Variants in ARL15 observed in about 807,000 individuals in gnomAD.
The protein encoded by ARL15 is ADP-ribosylation factor-like protein 15.
ARL15 carries 19 observed loss-of-function variants against 25.2 expected under a neutral mutation model. The ratio of observed to expected loss-of-function variants is 0.75; its 90% CI spans 0.53 to 1.10. ARL15 has a LOEUF of 1.10. Ranked by LOEUF, ARL15 falls within the 50% of genes least tolerant of loss-of-function variation. ARL15 has a pLI of 0.00. For missense variants in ARL15, 220 were observed against 246.0 expected (o/e 0.89, Z 0.71); for synonymous variants, 94 against 86.8 (o/e 1.08, Z -0.46).
At chr5:53,946,317 G>A (rs187518208) in intron 4 of ARL15, among the ~76,000 whole-genome samples, 1 of 152,034 alleles carries the variant, frequency 6.6e-6, no homozygotes, top group Non-Finnish European at 1.5e-5. Context: ...AGGCGTAGTG[G>A]CATGCAAGTG....
rs74530658 is a variant in ARL15 at position 53,937,773 on chromosome 5, C to T, written c.463-51060G>A. On this transcript the variant is annotated intron_variant, in intron 4 of 4. Coordinates refer to ENST00000504924, the MANE Select transcript of ARL15 (RefSeq NM_019087.3). ...CCTAACTGTATCAAAATAATACTAA[C>T]ACCAACCATGATGTGCCAAATCTAT... 5.3e-3 allele frequency among the ~76,000 whole-genome samples: 809 copies of T among 151,550 alleles called. 6 individuals carry two copies. Among genetic ancestry groups the T allele is most frequent in the Non-Finnish European group, 8.3e-3 (566 of 67,954 alleles).
In ARL15 at chr5:53,978,583, C is replaced by G. The variant is rs1318191364; in HGVS notation, c.463-91870G>C. On this transcript the variant is annotated intron_variant, in intron 4 of 4. Coordinates refer to ENST00000504924, the MANE Select transcript of ARL15 (RefSeq NM_019087.3). ...GGAGAATCACTTGAGGCCAGGAGTT[C>G]GAGACCAGCCTGAGCAACACAGGGA... Among the ~76,000 whole-genome samples, 5 of 133,440 alleles carry G rather than the reference C, an allele frequency of 3.7e-5. No individual in the cohort carries two copies. The South Asian group carries it at 9.4e-4, about 25-fold the overall frequency. The allele number at this position is 133,440 out of a possible 152,430, so 87.5% of individuals were successfully genotyped here. A position where few individuals can be genotyped will look rare whatever the true frequency, so the allele number is the denominator to read the frequency against.
intron 1 of ARL15, among the ~76,000 whole-genome samples, chr5:54,272,222 A>C (rs1757805629): frequency 7.1e-6 from 1 of 141,816 alleles, no homozygotes; most frequent in African/African-American, 2.6e-5. Flanking sequence ...CAAAGTTCTG[A>C]GATTACAAGC....
At chr5:53,919,342 G>A (rs1467625651) in intron 4 of ARL15, among the ~76,000 whole-genome samples, 1 of 152,198 alleles carries the variant, frequency 6.6e-6, no homozygotes, top group Non-Finnish European at 1.5e-5. Context: ...ATGGTTTGCA[G>A]AACCGTAAAT....
Position 53,884,861 on chromosome 5 carries a change from C to T in ARL15, c.*1700G>A, listed in dbSNP as rs1004189629. On this transcript the variant is annotated 3_prime_UTR_variant, in exon 5 of 5. Transcript: ENST00000504924. ...AAACAGGAATTGTGTAACTGGTCATCGGAATAAAAGTTTTGTGCTGCTCAG... is the reference window on the plus strand; with the variant it reads ...AAACAGGAATTGTGTAACTGGTCATTGGAATAAAAGTTTTGTGCTGCTCAG... 1.3e-5 allele frequency: 2 copies of T among 152,316 alleles called. No individual in the cohort carries two copies. The highest frequency in any genetic ancestry group is 4.8e-5 in the African/African-American group (2 of 41,320). The allele number at this position is 152,316 out of a possible 1,614,324, so 9.4% of individuals were successfully genotyped here. A position where few individuals can be genotyped will look rare whatever the true frequency, so the allele number is the denominator to read the frequency against.
At position 54,107,225 on chromosome 5, in the gene ARL15, A is replaced by G. The variant is rs115423666; in HGVS notation, c.462+5977T>C. On this transcript the variant is annotated intron_variant, in intron 4 of 4. Transcript: ENST00000504924. ...AGGAAAGACTGGCCCCCACGATTCA[A>G]TTGCCTCCTCCTGGCTCCCTCCCAC... Among the ~76,000 whole-genome samples the G allele has an allele frequency of 4.4e-3, 674 of 152,276 alleles. 4 individuals carry two copies. Among genetic ancestry groups the G allele is most frequent in the African/African-American group, 0.016 (646 of 41,552 alleles).
At chr5:54,010,552 T>C (rs1749201556) in intron 4 of ARL15, among the ~76,000 whole-genome samples, 1 of 152,306 alleles carries the variant, frequency 6.6e-6, no homozygotes, top group Middle Eastern at 3.4e-3. Flanking sequence ...GACTTGGCTC[T>C]GAATAACCGC....
Position 53,990,957 on chromosome 5 carries a change from AT to A in ARL15, c.463-104245del, listed in dbSNP as rs572445708. On this transcript the variant is annotated intron_variant, in intron 4 of 4. Coordinates refer to ENST00000504924, the MANE Select transcript of ARL15 (RefSeq NM_019087.3). ...CCGAATATCTTAACAAAGAAACACT[AT>A]TTTTTTTTCTCTTTGAATGTTTGAT... is the stretch of plus-strand genomic sequence containing the variant. Among the ~76,000 whole-genome samples, 55 of 151,036 alleles carry A rather than the reference AT, an allele frequency of 3.6e-4. 1 individual carries two copies. The highest frequency in any genetic ancestry group is 1.3e-3 in the South Asian group (6 of 4,772).
At chr5:54,109,200 C>A (rs897064667) in intron 4 of ARL15, among the ~76,000 whole-genome samples, 1 of 151,938 alleles carries the variant, frequency 6.6e-6, no homozygotes, top group African/African-American at 2.4e-5. Context: ...AGCCGTGGAA[C>A]AAATAGAGCC....
intron 4 of ARL15, among the ~76,000 whole-genome samples, chr5:54,044,631 T>C (rs978670636): frequency 6.6e-6 from 1 of 152,208 alleles, no homozygotes; most frequent in African/African-American, 2.4e-5. Context: ...GTATCTCTCA[T>C]ACATAATATT....
At chr5:53,895,208 A>G (rs1485825712) in intron 4 of ARL15, among the ~76,000 whole-genome samples, 1 of 152,184 alleles carries the variant, frequency 6.6e-6, no homozygotes, top group South Asian at 2.1e-4. Flanking sequence ...TCTGTGCCTC[A>G]GTTTGACCTC....
chr5:54,195,598 G>C (rs1242311126), intron 1 of ARL15, among the ~76,000 whole-genome samples: 1 of 152,010 alleles, frequency 6.6e-6, no homozygotes, highest in Non-Finnish European at 1.5e-5. Flanking sequence ...AGTAATACCT[G>C]TAATGAATAA....
At chr5:53,992,625 C>A (rs67656636) in intron 4 of ARL15, among the ~76,000 whole-genome samples, 33,532 of 152,108 alleles carry the variant, frequency 0.22, 3,911 homozygotes, top group East Asian at 0.46. Flanking sequence ...TCTCAAATAA[C>A]TAACGTTTTG....
intron 4 of ARL15, among the ~76,000 whole-genome samples, chr5:54,054,196 T>A (rs1750787117): frequency 6.6e-6 from 1 of 152,340 alleles, no homozygotes; most frequent in Non-Finnish European, 1.5e-5. Context: ...ATCACTATCC[T>A]GAATGTTGTA....
intron 4 of ARL15, among the ~76,000 whole-genome samples, chr5:53,986,866 G>A (rs888765875): frequency 6.6e-6 from 1 of 152,182 alleles, no homozygotes; most frequent in East Asian, 1.9e-4. Context: ...AGCAAACAGA[G>A]GAACCGTCAT....
intron 4 of ARL15, among the ~76,000 whole-genome samples, chr5:54,096,131 C>T (rs1320749447): frequency 6.6e-6 from 1 of 152,142 alleles, no homozygotes; most frequent in Non-Finnish European, 1.5e-5. Context: ...GTGCCTGATA[C>T]AATGTATGTG....
chr5:54,233,845 C>T (rs1756734626), intron 1 of ARL15, among the ~76,000 whole-genome samples: 1 of 152,198 alleles, frequency 6.6e-6, no homozygotes, highest in Non-Finnish European at 1.5e-5. Flanking sequence ...AGATTAAATG[C>T]AGAGGCAAAT....
intron 1 of ARL15, among the ~76,000 whole-genome samples, chr5:54,304,465 T>C (rs1758702882): frequency 2.0e-5 from 3 of 152,356 alleles, no homozygotes; most frequent in South Asian, 4.1e-4. Context: ...GCATGTGGCT[T>C]TGGCATCTTT....
At chr5:54,017,725 T>C (rs1180028590) in intron 4 of ARL15, among the ~76,000 whole-genome samples, 1 of 152,072 alleles carries the variant, frequency 6.6e-6, no homozygotes, top group East Asian at 1.9e-4. Context: ...AACTAGTTTT[T>C]AAAAGGCCTC....
Sources: gnomAD v4.1 joint callset for allele counts (sites outside exome capture counted in the v4.1 genomes callset) on GRCh38, gnomAD v4.1.1 for gene constraint, MANE v1.5 for transcripts, NCBI Gene and HGNC (gene_info 2026-07-23, HGNC 2026-07-21) for gene names.